PACS1: variants seen among roughly 807,000 people sequenced by gnomAD.
PACS1 encodes the protein phosphofurin acidic cluster sorting protein 1, also known as PACS-1.
A neutral mutation model predicts 115.0 loss-of-function variants in PACS1; 24 were observed. The observed-to-expected ratio is 0.21, with a 90% CI of 0.15 to 0.29. The LOEUF (loss-of-function observed/expected upper bound fraction) is 0.29, where lower values mean the gene tolerates loss of function less well. Ranked by LOEUF, PACS1 falls within the 10% of genes least tolerant of loss-of-function variation. The pLI is 1.00. For synonymous variants in PACS1, 453 were observed against 504.5 expected (o/e 0.90, Z 1.37); for missense variants, 838 against 1,251.2 (o/e 0.67, Z 4.98).
At chr11:66,216,476 G>A (rs747639160) in intron 5 of PACS1, 44 bp from the exon 6 acceptor site, 2 of 1,559,304 alleles carry the variant, frequency 1.3e-6, no homozygotes, top group Non-Finnish European at 1.8e-6. Context: ...TCTTAGGCCA[G>A]ATCTTCCCAT....
Position 66,236,680 on chromosome 11 carries a change from G to A in PACS1, c.2250+740G>A, listed in dbSNP as rs1018231995. Among the ~76,000 whole-genome samples, 1 of 152,184 alleles carries A rather than the reference G, an allele frequency of 6.6e-6. No homozygotes were observed. The highest frequency in any genetic ancestry group is 2.4e-5 in the African/African-American group (1 of 41,438). ...CAGTCCTGCCAGAGGCCAGAGCATG[G>A]CACCGGAGCAGGACTGAAAACTCCG... On this transcript the variant is annotated intron_variant, in intron 19 of 23. Transcript: ENST00000320580. The surrounding 1 kb of genome is among the most constrained non-coding windows in gnomAD (Gnocchi z 4.2).
rs145865574 is a variant in PACS1, at chr11:66,078,452, A to T, written c.356+7610A>T. On this transcript the variant is annotated intron_variant, in intron 1 of 23. Transcript: ENST00000320580. ...GATTTCTTTCTAAACTAGTTTTCCA[A>T]ACTACCTCTCAAAACTTTATTATGA... 3.3e-4 allele frequency among the ~76,000 whole-genome samples: 50 copies of T among 152,284 alleles called. 1 individual carries two copies. The highest frequency in any genetic ancestry group is 1.2e-3 in the African/African-American group (48 of 41,542).
intron 1 of PACS1, among the ~76,000 whole-genome samples, chr11:66,135,810 C>T (rs1858827473): frequency 6.6e-6 from 1 of 152,098 alleles, no homozygotes; most frequent in Non-Finnish European, 1.5e-5. Context: ...GTGCCTACCA[C>T]CATGCCTGGC....
intron 1 of PACS1, among the ~76,000 whole-genome samples, chr11:66,105,189 C>T (rs1417706992): frequency 2.0e-5 from 3 of 151,902 alleles, no homozygotes; most frequent in African/African-American, 7.3e-5. Flanking sequence ...TTTGGGAGGC[C>T]GAGGCGGGCA....
At chr11:66,231,413 C>T (rs540715793) in intron 13 of PACS1, among the ~76,000 whole-genome samples, 12 of 152,314 alleles carry the variant, frequency 7.9e-5, no homozygotes, top group Admixed American at 6.5e-4. Context: ...AATGGAAGGA[C>T]CCGAGAGTGG....
chr11:66,185,617 C>G (rs1230341238), intron 1 of PACS1, among the ~76,000 whole-genome samples: 1 of 152,106 alleles, frequency 6.6e-6, no homozygotes, highest in Non-Finnish European at 1.5e-5. Context: ...CCATGCCGGA[C>G]CATGGAACCT....
Position 66,235,803 on chromosome 11 carries a change from C to T in PACS1, c.2208-95C>T. The T allele has an allele frequency of 9.4e-7, 1 of 1,065,998 alleles. No individual in the cohort carries two copies. Among genetic ancestry groups the T allele is most frequent in the Non-Finnish European group, 1.5e-6 (1 of 680,242 alleles). 66.0% of individuals were successfully genotyped at this position (1,065,998 alleles called of 1,614,324 possible). On this transcript the variant is annotated intron_variant, in intron 18 of 23. Transcript: ENST00000320580. The surrounding 1 kb of genome is among the most constrained non-coding windows in gnomAD (Gnocchi z 5.6). Reference sequence around the variant, plus strand: ...CAGAGGCAGCCCAGCATCCTGGACTCTGCTGCAGCCACAGTGAGATAGGAA... The same window carrying T: ...CAGAGGCAGCCCAGCATCCTGGACTTTGCTGCAGCCACAGTGAGATAGGAA...
chr11:66,092,365 G>A (rs1023725405), intron 1 of PACS1, among the ~76,000 whole-genome samples: 1 of 151,738 alleles, frequency 6.6e-6, no homozygotes, highest in Non-Finnish European at 1.5e-5. Context: ...TTTTTGATGG[G>A]GTTGTTGGTT....
chr11:66,182,203 T>A (rs6591207), intron 1 of PACS1, among the ~76,000 whole-genome samples: 31,242 of 152,114 alleles, frequency 0.21, 3,294 homozygotes, highest in Middle Eastern at 0.28. Context: ...TACATTGTGT[T>A]GGTCTGTGCA....
intron 1 of PACS1, among the ~76,000 whole-genome samples, chr11:66,105,784 G>C (rs1016217661): frequency 6.6e-6 from 1 of 152,182 alleles, no homozygotes; most frequent in Admixed American, 6.5e-5. Flanking sequence ...AATGAGAATA[G>C]GCTTTATGGA....
At chr11:66,206,247 T>C (rs1225834488) in intron 2 of PACS1, among the ~76,000 whole-genome samples, 1 of 152,236 alleles carries the variant, frequency 6.6e-6, no homozygotes, top group Non-Finnish European at 1.5e-5. Flanking sequence ...ATATAAATGG[T>C]TTTGCTTCTA....
At chr11:66,099,324 C>T (rs1706590539) in intron 1 of PACS1, among the ~76,000 whole-genome samples, 1 of 152,056 alleles carries the variant, frequency 6.6e-6, no homozygotes, top group African/African-American at 2.4e-5. Flanking sequence ...CCCAGGTTCA[C>T]TCCATTCTCC....
chr11:66,139,190 T>A (rs975977664), intron 1 of PACS1, among the ~76,000 whole-genome samples: 2 of 152,164 alleles, frequency 1.3e-5, no homozygotes, highest in African/African-American at 4.8e-5. Flanking sequence ...AATATATAAA[T>A]TTTTAATTTT....
chr11:66,203,106 A>C (rs569496255), intron 2 of PACS1, among the ~76,000 whole-genome samples: 27 of 152,290 alleles, frequency 1.8e-4, no homozygotes, highest in African/African-American at 5.1e-4. Flanking sequence ...TTCTATGTGG[A>C]AAAACCTACA....
At position 66,216,513 on chromosome 11, in the gene PACS1, G is replaced by A. The variant is rs1236442770; in HGVS notation, c.806-7G>A. The A allele has an allele frequency of 1.2e-6, 2 of 1,610,824 alleles. No individual in the cohort carries two copies. The highest frequency in any genetic ancestry group is 1.7e-6 in the Non-Finnish European group (2 of 1,177,078). ...GCAAGGTTATCTTACTCAGGTGTCT[G>A]TTGCAGATCGTTCTCCTGATATTGA... On this transcript the variant is annotated splice_polypyrimidine_tract_variant and splice_region_variant and intron_variant, in intron 5 of 23. Transcript: ENST00000320580.
chr11:66,216,369 C>G (rs1855209494), intron 5 of PACS1, 106 bp downstream of exon 5: 1 of 1,470,818 alleles, frequency 6.8e-7, no homozygotes, highest in East Asian at 2.3e-5. Context: ...CCTTTAGAGA[C>G]CCCTGAAAGT....
chr11:66,142,989 A>G (rs1859032756), intron 1 of PACS1, among the ~76,000 whole-genome samples: 1 of 151,842 alleles, frequency 6.6e-6, no homozygotes, highest in Admixed American at 6.6e-5. Context: ...TTGAATAGAA[A>G]TTCCATTATT....
intron 1 of PACS1, among the ~76,000 whole-genome samples, chr11:66,078,457 C>T (rs1049168910): frequency 3.9e-5 from 6 of 152,224 alleles, no homozygotes; most frequent in African/African-American, 1.4e-4. Flanking sequence ...TTCCAAACTA[C>T]CTCTCAAAAC....
intron 1 of PACS1, among the ~76,000 whole-genome samples, chr11:66,108,859 T>A (rs1371751604): frequency 6.6e-6 from 1 of 152,156 alleles, no homozygotes; most frequent in Non-Finnish European, 1.5e-5. Context: ...TAGTCCTAGC[T>A]ACTTGGGGCT....
Sources: gnomAD v4.1 joint callset for allele counts (sites outside exome capture counted in the v4.1 genomes callset) on GRCh38, gnomAD v4.1.1 for gene constraint, Gnocchi (gnomAD v3.1) non-coding constraint, MANE v1.5 for transcripts, NCBI Gene and HGNC (gene_info 2026-07-23, HGNC 2026-07-21) for gene names.